LIMD1: variants seen among roughly 807,000 people sequenced by gnomAD.
LIMD1 encodes LIM domain containing 1, also known as LIM domain-containing protein 1.
Under a neutral mutation model 58.4 loss-of-function variants are expected in LIMD1, and 23 were observed. That is an observed-to-expected ratio of 0.39 (90% CI 0.28 to 0.56). LIMD1 has a LOEUF of 0.56. Ranked by LOEUF, LIMD1 falls within the 20% of genes least tolerant of loss-of-function variation. LIMD1 has a pLI of 0.57. For missense variants in LIMD1, 838 were observed against 855.5 expected (o/e 0.98, Z 0.25); for synonymous variants, 334 against 345.5 (o/e 0.97, Z 0.37).
chr3:45,668,085 A>T (rs1164515224), intron 3 of LIMD1, among the ~76,000 whole-genome samples: 1 of 152,162 alleles, frequency 6.6e-6, no homozygotes. Context: ...TCATTGTTAG[A>T]GTGAGTGGTA....
At chr3:45,618,299 T>C (rs1048617508) in intron 1 of LIMD1, among the ~76,000 whole-genome samples, 2 of 152,156 alleles carry the variant, frequency 1.3e-5, no homozygotes, top group African/African-American at 4.8e-5. Context: ...GGTAGATGTT[T>C]ATTGAGCGCC....
rs1416893084 is a variant in LIMD1, at chr3:45,679,734, C to T, written c.*2675C>T. 6.6e-6 allele frequency: 1 copy of T among 152,132 alleles called. No individual in the cohort carries two copies. The highest frequency in any genetic ancestry group is 1.5e-5 in the Non-Finnish European group (1 of 68,048). 9.4% of individuals were successfully genotyped at this position (152,132 alleles called of 1,614,324 possible). ...TTTTTTTCTTTTCTCCTACCCCTATCTTGGGACATTCAGAAACTGCCTGGG... is the reference window on the plus strand; with the variant it reads ...TTTTTTTCTTTTCTCCTACCCCTATTTTGGGACATTCAGAAACTGCCTGGG... On this transcript the variant is annotated 3_prime_UTR_variant, in exon 8 of 8. Transcript: ENST00000273317.
chr3:45,664,915 G>A (rs1697492299), intron 2 of LIMD1, among the ~76,000 whole-genome samples: 1 of 152,194 alleles, frequency 6.6e-6, no homozygotes, highest in Non-Finnish European at 1.5e-5. Flanking sequence ...AATGCCCTCA[G>A]ATCTGTGAAT....
chr3:45,599,675 G>A (rs1003749728), intron 1 of LIMD1, among the ~76,000 whole-genome samples: 6 of 152,210 alleles, frequency 3.9e-5, no homozygotes, highest in Admixed American at 3.9e-4. Flanking sequence ...CACCTAAGCA[G>A]CCCTCACTGA....
intron 4 of LIMD1, among the ~76,000 whole-genome samples, chr3:45,669,376 T>A (rs1697562086): frequency 6.6e-6 from 1 of 152,376 alleles, no homozygotes; most frequent in Admixed American, 6.5e-5. Flanking sequence ...CTCATTAATT[T>A]CATTCTAGAG....
chr3:45,641,115 G>A (rs940359116), intron 2 of LIMD1, among the ~76,000 whole-genome samples: 1 of 152,202 alleles, frequency 6.6e-6, no homozygotes, highest in African/African-American at 2.4e-5. Context: ...TCAACACCAT[G>A]GAGACGGCAC....
intron 2 of LIMD1, 47 bp downstream of exon 2, chr3:45,636,298 C>A (rs775538622): frequency 1.5e-6 from 2 of 1,361,242 alleles, no homozygotes; most frequent in Admixed American, 2.1e-5. Flanking sequence ...GCGTAAGGAA[C>A]ATGGGAACCG....
chr3:45,624,582 G>C (rs969412322), intron 1 of LIMD1, among the ~76,000 whole-genome samples: 1 of 152,302 alleles, frequency 6.6e-6, no homozygotes, highest in African/African-American at 2.4e-5. Context: ...AATTAGCCGG[G>C]TGTGGTGGCG....
chr3:45,667,379 T>C (rs1697534128), intron 3 of LIMD1, among the ~76,000 whole-genome samples: 1 of 151,958 alleles, frequency 6.6e-6, no homozygotes, highest in Non-Finnish European at 1.5e-5. Flanking sequence ...CAAATGAAAA[T>C]AGAGAGCTAT....
At chr3:45,674,018 C>A in intron 6 of LIMD1, 1 of 312,262 alleles carries the variant, frequency 3.2e-6, no homozygotes, top group Non-Finnish European at 6.0e-6. Context: ...GGTCAAACTC[C>A]CTTACTTGAT....
chr3:45,647,399 G>A (rs986662020), intron 2 of LIMD1, among the ~76,000 whole-genome samples: 21 of 152,058 alleles, frequency 1.4e-4, no homozygotes, highest in Admixed American at 5.9e-4. Flanking sequence ...GGCTGAGTGT[G>A]GATCCTGTGG....
At chr3:45,657,303 A>T (rs2125665944) in intron 2 of LIMD1, among the ~76,000 whole-genome samples, 1 of 152,284 alleles carries the variant, frequency 6.6e-6, no homozygotes, top group Non-Finnish European at 1.5e-5. Flanking sequence ...GGAGCTGTTC[A>T]TGACACTTAA....
rs544426330 is a variant in LIMD1 at position 45,610,484 on chromosome 3, T to C, written c.1408+14197T>C. On this transcript the variant is annotated intron_variant, in intron 1 of 7. Coordinates refer to ENST00000273317, the MANE Select transcript of LIMD1 (RefSeq NM_014240.3). ...CATGCTTTATCTGGATAGAAACTTA[T>C]AGAGTTCCAGGGACTAGCTCACCAA... 1.1e-4 allele frequency among the ~76,000 whole-genome samples: 16 copies of C among 152,262 alleles called. No individual in the cohort carries two copies. In the South Asian group the frequency reaches 2.1e-3, roughly 20 times the overall value.
intron 4 of LIMD1, 113 bp from the exon 5 acceptor site, chr3:45,672,577 A>G (rs929168331): frequency 1.7e-6 from 2 of 1,210,086 alleles, no homozygotes; most frequent in Admixed American, 2.0e-5. Flanking sequence ...CTCGGGGGTA[A>G]GTGTACTCTG....
At chr3:45,624,516 G>T (rs113639149) in intron 1 of LIMD1, among the ~76,000 whole-genome samples, 1 of 151,970 alleles carries the variant, frequency 6.6e-6, no homozygotes, top group African/African-American at 2.4e-5. Context: ...GACCATCCTG[G>T]CTAAACAGTG....
At chr3:45,632,907 C>G (rs1036756393) in intron 1 of LIMD1, among the ~76,000 whole-genome samples, 4 of 152,180 alleles carry the variant, frequency 2.6e-5, no homozygotes, top group Admixed American at 6.5e-5. Context: ...CTTAAAGGAG[C>G]CTTAAAGATG....
chr3:45,638,382 G>A (rs1226201754), intron 2 of LIMD1, among the ~76,000 whole-genome samples: 1 of 152,142 alleles, frequency 6.6e-6, no homozygotes, highest in African/African-American at 2.4e-5. Context: ...AGCTTCTATT[G>A]GTCCTGTCAC....
chr3:45,597,567 C>A (rs1403828335), intron 1 of LIMD1, among the ~76,000 whole-genome samples: 2 of 152,182 alleles, frequency 1.3e-5, no homozygotes, highest in South Asian at 2.1e-4. Context: ...GATTAGTTGT[C>A]TCATAAGAGA....
intron 1 of LIMD1, among the ~76,000 whole-genome samples, chr3:45,611,407 T>G (rs1701521278): frequency 6.6e-6 from 1 of 152,168 alleles, no homozygotes; most frequent in African/African-American, 2.4e-5. Context: ...AGGTGGTCAT[T>G]GCAGCTGAGC....
Sources: gnomAD v4.1 joint callset for allele counts (sites outside exome capture counted in the v4.1 genomes callset) on GRCh38, gnomAD v4.1.1 for gene constraint, MANE v1.5 for transcripts, NCBI Gene and HGNC (gene_info 2026-07-23, HGNC 2026-07-21) for gene names.